The following ZCCHC2 variants were observed in gnomAD, a reference collection of about 807,000 sequenced individuals.
The protein encoded by ZCCHC2 is zinc finger CCHC domain-containing protein 2.
Under a neutral mutation model 103.6 loss-of-function variants are expected in ZCCHC2, and 39 were observed. The ratio of observed to expected loss-of-function variants is 0.38; its 90% CI spans 0.29 to 0.49. The LOEUF is 0.49. ZCCHC2 is among the 20% of genes least tolerant of loss of function. The probability of loss-of-function intolerance (pLI) is 0.96; values close to 1 mark genes in which losing one functional copy is unlikely to be tolerated. For synonymous variants in ZCCHC2, 687 were observed against 608.9 expected, an observed-to-expected ratio of 1.13 and a Z score of -1.89; for missense variants, 1,483 against 1,491.0, an observed-to-expected ratio of 0.99 and a Z score of 0.09.
chr18:62,542,477 C>T (rs927875605), intron 2 of ZCCHC2, 21 bp from the exon 3 acceptor site: 57 of 1,547,048 alleles, frequency 3.7e-5, no homozygotes, highest in East Asian at 4.9e-5. Flanking sequence ...CACAAGTCAC[C>T]GTGTGTTTTT....
chr18:62,527,159 G>C (rs977290336), intron 1 of ZCCHC2, among the ~76,000 whole-genome samples: 7 of 152,104 alleles, frequency 4.6e-5, no homozygotes, highest in African/African-American at 1.7e-4. Flanking sequence ...CGTAAAGTTA[G>C]CATCTTTTTA....
chr18:62,573,576 A>G (rs533155237), intron 12 of ZCCHC2, among the ~76,000 whole-genome samples: 123 of 152,362 alleles, frequency 8.1e-4, no homozygotes, highest in African/African-American at 2.7e-3. Flanking sequence ...CAACAACAAC[A>G]ACAAAAGAAA....
At chr18:62,560,533 G>A (rs1916070590) in intron 7 of ZCCHC2, 54 bp from the exon 8 acceptor site, 2 of 1,452,006 alleles carry the variant, frequency 1.4e-6, no homozygotes, top group Non-Finnish European at 1.9e-6. Context: ...GCATCCTACT[G>A]TTGGTTTTTG....
rs1916622833 is a variant in ZCCHC2 at position 62,572,171 on chromosome 18, C to T, written c.1976-1886C>T. On this transcript the variant is annotated intron_variant, in intron 12 of 13. Transcript: ENST00000269499. ...GCTCAAGTGATCCTCCTGCCTTGGC[C>T]TCCCAAAGTGTTGAGATTATAAGCA... 2.0e-5 allele frequency among the ~76,000 whole-genome samples: 3 copies of T among 152,194 alleles called. No individual in the cohort carries two copies. In the South Asian group the frequency reaches 6.2e-4, roughly 32 times the overall value.
intron 4 of ZCCHC2, among the ~76,000 whole-genome samples, chr18:62,545,410 T>G (rs1915369337): frequency 6.6e-6 from 1 of 152,036 alleles, no homozygotes; most frequent in Non-Finnish European, 1.5e-5. Context: ...GTTCTCCATT[T>G]CTTCCTTCTT....
rs1455675319 is a variant in ZCCHC2 at position 62,558,750 on chromosome 18, A to G, written c.1472A>G (p.Glu491Gly). 4 of 1,546,082 alleles carry G rather than the reference A, an allele frequency of 2.6e-6. No homozygotes were observed. The highest frequency in any genetic ancestry group is 1.4e-5 in the African/African-American group (1 of 72,684). Residue 491 changes from glutamate to glycine, a missense_variant, in exon 7 of 14, where the codon GAA (glutamate) becomes GGA (glycine). By Grantham distance (98) the Glu-to-Gly change is moderately conservative. Around this residue, in one of 3 missense-constraint regions of ZCCHC2, gnomAD observed 884 missense variants for 907.5 expected, o/e 0.97. Transcript: ENST00000269499. ...ILEHLKEDSSEASSQEEDVLQ... is the reference protein window; with the variant it reads ...ILEHLKEDSSGASSQEEDVLQ... Reference sequence around the variant, plus strand: ...GAACACTTAAAAGAAGACAGCTCTGAAGCTTCAAGTCAAGAAGAAGGTAAA... The same window carrying G: ...GAACACTTAAAAGAAGACAGCTCTGGAGCTTCAAGTCAAGAAGAAGGTAAA...
intron 12 of ZCCHC2, among the ~76,000 whole-genome samples, chr18:62,571,014 T>C (rs1916578889): frequency 2.6e-5 from 4 of 152,218 alleles, no homozygotes; most frequent in Admixed American, 2.6e-4. Flanking sequence ...CCCAGGAATA[T>C]ATTAAAGCTT....
chr18:62,564,589 A>C lies in ZCCHC2; in HGVS notation c.1705A>C (p.Ser569Arg). The C allele has an allele frequency of 6.5e-7, 1 of 1,541,132 alleles. No individual in the cohort carries two copies. The highest frequency in any genetic ancestry group is 1.2e-5 in the South Asian group (1 of 81,418). The change falls in exon 10 of 14, where the codon AGT becomes CGT. Residue 569 changes from serine to arginine, a missense_variant. Ser to Arg is a moderately radical substitution (Grantham distance 110). This residue lies in a region of ZCCHC2 where 884 missense variants were observed against 907.5 expected (regional missense o/e 0.97). Transcript: ENST00000269499. ...SADQHSAEKR[S>R]LSSINKKKGK... ...CTACTAGCATTCTGCTGAAAAACGG[A>C]GTTTATCTTCAATAAATAAGAAGAA... is the stretch of plus-strand genomic sequence containing the variant.
At chr18:62,553,108 A>G (rs1915733358) in intron 5 of ZCCHC2, among the ~76,000 whole-genome samples, 1 of 151,742 alleles carries the variant, frequency 6.6e-6, no homozygotes, top group African/African-American at 2.4e-5. Context: ...CAGCTAAAGT[A>G]GCCTAACTTT....
At chr18:62,553,823 A>G (rs1184838541) in intron 5 of ZCCHC2, among the ~76,000 whole-genome samples, 1 of 152,158 alleles carries the variant, frequency 6.6e-6, no homozygotes, top group African/African-American at 2.4e-5. Flanking sequence ...TGGCCTTTTC[A>G]GTCCTTTCCA....
chr18:62,523,928 G>A lies in ZCCHC2; in HGVS notation c.504G>A (p.Ala168=). ...PGPLADFREP[A]VRSRLIVYLA... is the part of the protein sequence containing the mutation. ...CGCTGGCCGACTTCCGAGAGCCCGC[G>A]GTGCGCTCGCGCCTCATCGTCTACC... The change falls in exon 1 of 14, where the codon GCG becomes GCA. Residue 168 remains alanine, a synonymous_variant. Transcript: ENST00000269499. The A allele has an allele frequency of 6.5e-7, 1 of 1,530,466 alleles. No individual in the cohort carries two copies. Among genetic ancestry groups the A allele is most frequent in the Non-Finnish European group, 8.8e-7 (1 of 1,142,248 alleles). 94.8% of individuals were successfully genotyped at this position (1,530,466 alleles called of 1,614,324 possible).
rs150992356 is a variant in ZCCHC2, at chr18:62,572,609, A to G, written c.1976-1448A>G. On this transcript the variant is annotated intron_variant, in intron 12 of 13. Transcript: ENST00000269499. ...TGGCTTTGCTGTTGCTCTCCTGGGT[A>G]GTGATGGTATTTCTGTTTGGGGCTT... 3.5e-3 allele frequency among the ~76,000 whole-genome samples: 532 copies of G among 152,258 alleles called. 12 individuals carry two copies. Among genetic ancestry groups the G allele is most frequent in the Admixed American group, 0.03 (452 of 15,284 alleles).
At chr18:62,527,380 G>T (rs1408139121) in intron 1 of ZCCHC2, among the ~76,000 whole-genome samples, 1 of 152,134 alleles carries the variant, frequency 6.6e-6, no homozygotes, top group Non-Finnish European at 1.5e-5. Context: ...ACATGCCATG[G>T]TTACAATGTT....
intron 5 of ZCCHC2, among the ~76,000 whole-genome samples, chr18:62,554,658 T>A (rs1364126380): frequency 6.6e-6 from 1 of 152,222 alleles, no homozygotes; most frequent in East Asian, 1.9e-4. Flanking sequence ...TGCCTGGGAC[T>A]CAGGCCTTGA....
intron 5 of ZCCHC2, chr18:62,551,962 C>A (rs1017675205): frequency 2.0e-5 from 3 of 152,060 alleles, no homozygotes; most frequent in Non-Finnish European, 2.9e-5. Context: ...TTACGGCCCC[C>A]CTCCTGAGTA....
chr18:62,552,891 T>TA (rs35372929), intron 5 of ZCCHC2, among the ~76,000 whole-genome samples: 132,416 of 141,336 alleles, frequency 0.94, 62,010 homozygotes, highest in East Asian at 0.99. Context: ...CCCTGTCTCT[T>TA]AAAAAAAAAA....
intron 4 of ZCCHC2, among the ~76,000 whole-genome samples, chr18:62,550,042 G>C (rs1004599997): frequency 5.3e-5 from 8 of 152,192 alleles, no homozygotes; most frequent in African/African-American, 1.9e-4. Context: ...ATTTCAGTGT[G>C]GTATGTGGAG....
chr18:62,539,903 TC>T, intron 2 of ZCCHC2, 111 bp downstream of exon 2: 1 of 823,550 alleles, frequency 1.2e-6, no homozygotes, highest in Admixed American at 2.3e-5. Context: ...AGTGGAGAAG[TC>T]CTACTGGTCC....
At chr18:62,585,717 C>T (rs1232860504) in exon 15 of ZCCHC2, 2 of 152,222 alleles carry the variant, frequency 1.3e-5, no homozygotes, top group African/African-American at 4.8e-5. Flanking sequence ...ACCTGGCACA[C>T]AGACATAAAG....
Sources: gnomAD v4.1 joint callset for allele counts (sites outside exome capture counted in the v4.1 genomes callset) on GRCh38, gnomAD v4.1.1 for gene constraint, gnomAD v4.1.1 regional missense constraint, MANE v1.5 for transcripts, NCBI Gene and HGNC (gene_info 2026-07-23, HGNC 2026-07-21) for gene names.